The following ARHGAP21 variants were observed in gnomAD, a reference collection of about 807,000 sequenced individuals.
ARHGAP21 encodes the protein Rho GTPase activating protein 21, also known as rho GTPase-activating protein 21.
In ARHGAP21, 38 loss-of-function variants were observed where a neutral mutation model predicts 164.6. The ratio of observed to expected loss-of-function variants is 0.23; its 90% confidence interval spans 0.18 to 0.30. The LOEUF is 0.30. Ranked by LOEUF, ARHGAP21 falls within the 10% of genes least tolerant of loss-of-function variation. The pLI, the probability that ARHGAP21 is intolerant of heterozygous loss-of-function variation, is 1.00. For synonymous variants in ARHGAP21, 766 were observed against 857.9 expected, an observed-to-expected ratio of 0.89 and a Z score of 1.87; for missense variants, 1,822 against 2,370.7, an observed-to-expected ratio of 0.77 and a Z score of 4.81.
At chr10:24,686,322 G>A (rs999625164) in intron 2 of ARHGAP21, among the ~76,000 whole-genome samples, 18 of 152,082 alleles carry the variant, frequency 1.2e-4, no homozygotes, top group African/African-American at 4.3e-4. Flanking sequence ...CAAGCTACAT[G>A]GGAGGCTAAG....
chr10:24,697,659 C>G (rs1038732943), intron 2 of ARHGAP21, among the ~76,000 whole-genome samples: 1 of 152,044 alleles, frequency 6.6e-6, no homozygotes, highest in Non-Finnish European at 1.5e-5. Flanking sequence ...GAGTTCGAGA[C>G]CAGCCTGGCC....
intron 4 of ARHGAP21, among the ~76,000 whole-genome samples, chr10:24,656,347 T>G (rs1462373368): frequency 1.6e-4 from 11 of 67,566 alleles, no homozygotes; most frequent in East Asian, 4.6e-4. Flanking sequence ...GATGGGGGGG[T>G]CAGCCCCCCC....
intron 14 of ARHGAP21, among the ~76,000 whole-genome samples, chr10:24,598,659 T>C (rs1378642594): frequency 6.6e-6 from 1 of 152,158 alleles, no homozygotes; most frequent in Non-Finnish European, 1.5e-5. Flanking sequence ...AATTATACAT[T>C]GATATTGACT....
chr10:24,641,562 T>A lies in ARHGAP21; in HGVS notation c.269-6459A>T, dbSNP rs187133945. 5.6e-4 allele frequency among the ~76,000 whole-genome samples: 86 copies of A among 152,334 alleles called. No homozygotes were observed. In the East Asian group the frequency reaches 0.016, roughly 28 times the overall value. On this transcript the variant is annotated intron_variant, in intron 4 of 25. Transcript: ENST00000396432. ...ATCTATTATTAGTAAAAACATACTATCTTTCTACTCAACCTGATCTTCAAG... is the reference window on the plus strand; with the variant it reads ...ATCTATTATTAGTAAAAACATACTAACTTTCTACTCAACCTGATCTTCAAG...
chr10:24,624,340 T>TA (rs1340981973), intron 7 of ARHGAP21, among the ~76,000 whole-genome samples: 2 of 136,444 alleles, frequency 1.5e-5, no homozygotes, highest in Admixed American at 1.5e-4. Flanking sequence ...TCTAGAACTT[T>TA]TTTTTTTTTT....
chr10:24,669,130 C>T (rs938458825), intron 3 of ARHGAP21, among the ~76,000 whole-genome samples: 2 of 151,880 alleles, frequency 1.3e-5, no homozygotes, highest in Non-Finnish European at 2.9e-5. Flanking sequence ...AAAAGATATT[C>T]AGTTGTTTCC....
At position 24,636,418 on chromosome 10, in the gene ARHGAP21, AC is replaced by A. The variant is rs532871424; in HGVS notation, c.269-1316del. Reference sequence around the variant, plus strand: ...AGAAACTCTGAGGTGATTGTGATGCACACTTAAGTTTGAGAATCACTGAAGT... The same window carrying A: ...AGAAACTCTGAGGTGATTGTGATGCAACTTAAGTTTGAGAATCACTGAAGT... On this transcript the variant is annotated intron_variant, in intron 4 of 25. Coordinates refer to ENST00000396432, the MANE Select transcript of ARHGAP21 (RefSeq NM_020824.4). 7.9e-5 allele frequency among the ~76,000 whole-genome samples: 12 copies of A among 152,330 alleles called. No homozygotes were observed. The South Asian group carries it at 2.3e-3, about 29-fold the overall frequency.
intron 4 of ARHGAP21, 79 bp downstream of exon 4, chr10:24,666,904 ATC>A (rs1409813752): frequency 5.0e-6 from 5 of 1,006,136 alleles, no homozygotes; most frequent in African/African-American, 1.7e-5. Context: ...AAATTATATC[ATC>A]TCATTTAGTA....
chr10:24,615,232 A>T (rs1435598814), intron 9 of ARHGAP21, among the ~76,000 whole-genome samples: 1 of 152,204 alleles, frequency 6.6e-6, no homozygotes, highest in African/African-American at 2.4e-5. Flanking sequence ...CAAAGAAAAG[A>T]TAAAAGAGCA....
chr10:24,614,961 C>T (rs564916391), intron 9 of ARHGAP21, among the ~76,000 whole-genome samples: 3 of 151,634 alleles, frequency 2.0e-5, no homozygotes, highest in Admixed American at 6.6e-5. Flanking sequence ...CTGAGGGGGA[C>T]GGATCACCTG....
At position 24,584,394 on chromosome 10, in the gene ARHGAP21, A is replaced by G; in HGVS notation, c.*18T>C. 6.4e-7 allele frequency: 1 copy of G among 1,563,314 alleles called. No individual in the cohort carries two copies. Among genetic ancestry groups the G allele is most frequent in the Non-Finnish European group, 8.6e-7 (1 of 1,158,094 alleles). ...TAACAGTAGTTTTTTTACTTGCTAGAGTGGACATACCCCCAGTTTAAAGAC... is the reference window on the plus strand; with the variant it reads ...TAACAGTAGTTTTTTTACTTGCTAGGGTGGACATACCCCCAGTTTAAAGAC... On this transcript the variant is annotated 3_prime_UTR_variant, in exon 26 of 26. Transcript: ENST00000396432.
Position 24,596,876 on chromosome 10 carries a change from GT to G in ARHGAP21, c.3340del (p.Thr1114ProfsTer18), listed in dbSNP as rs1564972388. On this transcript the variant is annotated frameshift_variant, in exon 17 of 26. Transcript: ENST00000396432. LOFTEE classifies it high-confidence loss of function. ...SERKLLSKDDTSPPKDKGTWR... is the reference protein window; with the variant it reads ...SERKLLSKDDXSPPKDKGTWR... ...TGTGCCTTTGTCTTTTGGGGGACTG[GT>G]ATCATCTTTTGATTGCCAGTCAAAA... 1 of 1,597,470 alleles carries G rather than the reference GT, an allele frequency of 6.3e-7. No homozygotes were observed. Among genetic ancestry groups the G allele is most frequent in the African/African-American group, 1.4e-5 (1 of 73,544 alleles).
intron 4 of ARHGAP21, among the ~76,000 whole-genome samples, chr10:24,663,510 G>A (rs530805806): frequency 5.9e-5 from 9 of 152,092 alleles, no homozygotes; most frequent in African/African-American, 1.2e-4. Flanking sequence ...ATTAATATTC[G>A]GGACCAGGTA....
intron 24 of ARHGAP21, chr10:24,590,940 TAAAAA>T (rs901265529): frequency 3.2e-4 from 239 of 738,888 alleles, no homozygotes; most frequent in South Asian, 5.6e-4. Flanking sequence ...AACTGTGAAT[TAAAAA>T]AAAAAAAAAA....
chr10:24,711,540 T>C (rs1047196332), intron 2 of ARHGAP21, among the ~76,000 whole-genome samples: 1 of 152,212 alleles, frequency 6.6e-6, no homozygotes, highest in Non-Finnish European at 1.5e-5. Flanking sequence ...GTAACTATCT[T>C]TTCCTTATTT....
chr10:24,598,047 C>A (rs1348860378), intron 14 of ARHGAP21, 38 bp from the exon 15 acceptor site: 2 of 1,525,252 alleles, frequency 1.3e-6, no homozygotes, highest in Non-Finnish European at 1.8e-6. Context: ...CAATTCTAAA[C>A]ATAAATAAGT....
chr10:24,639,014 G>A (rs1836696304), intron 4 of ARHGAP21, among the ~76,000 whole-genome samples: 1 of 152,096 alleles, frequency 6.6e-6, no homozygotes, highest in South Asian at 2.1e-4. Flanking sequence ...AATAACTTGA[G>A]TAAAAAAATT....
chr10:24,657,247 TG>T (rs1234822222), intron 4 of ARHGAP21, among the ~76,000 whole-genome samples: 1 of 18,236 alleles, frequency 5.5e-5, no homozygotes, highest in Non-Finnish European at 9.2e-5. Flanking sequence ...GGGAGGGAGG[TG>T]GGGGGGTCAG....
intron 2 of ARHGAP21, among the ~76,000 whole-genome samples, chr10:24,719,803 T>G (rs1394944909): frequency 6.6e-6 from 1 of 152,166 alleles, no homozygotes; most frequent in African/African-American, 2.4e-5. Context: ...TTAATGTGTA[T>G]CAGAAGCATC....
Sources: allele counts gnomAD v4.1 joint callset (sites outside exome capture counted in the v4.1 genomes callset), GRCh38; gene constraint gnomAD v4.1.1; transcripts MANE v1.5; gene names NCBI Gene and HGNC (gene_info 2026-07-23, HGNC 2026-07-21).